The following SMPD3 variants were observed in gnomAD, a reference collection of about 807,000 sequenced individuals.
SMPD3 encodes sphingomyelin phosphodiesterase 3.
In SMPD3, 21 loss-of-function variants were observed where a neutral mutation model predicts 55.7. The ratio of observed to expected loss-of-function variants is 0.38; its 90% confidence interval spans 0.27 to 0.54. SMPD3 has a LOEUF of 0.54. Among genes scored for constraint, SMPD3 ranks in the 20% least tolerant of loss-of-function variants. The pLI is 0.80. For synonymous variants in SMPD3, 457 were observed against 404.3 expected (o/e 1.13, Z -1.56); for missense variants, 842 against 899.6 (o/e 0.94, Z 0.82).
intron 2 of SMPD3, among the ~76,000 whole-genome samples, chr16:68,376,531 C>T (rs2089819549): frequency 6.6e-6 from 1 of 152,244 alleles, no homozygotes; most frequent in South Asian, 2.1e-4. Flanking sequence ...CTGCATTGTT[C>T]CCCCAGGGCT....
intron 1 of SMPD3, among the ~76,000 whole-genome samples, chr16:68,438,068 C>T (rs2090537588): frequency 6.6e-6 from 1 of 152,196 alleles, no homozygotes; most frequent in Non-Finnish European, 1.5e-5. Flanking sequence ...CCCTGGGAGG[C>T]AGCTGCTCAG....
At chr16:68,438,328 GA>G (rs955428076) in intron 1 of SMPD3, among the ~76,000 whole-genome samples, 24 of 152,282 alleles carry the variant, frequency 1.6e-4, no homozygotes, top group South Asian at 2.1e-4. Context: ...AAGACCAAAT[GA>G]GAGAAATAAT....
rs1274718280 is a variant in SMPD3, at chr16:68,365,053, C to T, written c.1363G>A (p.Gly455Arg). 3.1e-6 allele frequency: 5 copies of T among 1,614,088 alleles called. No individual in the cohort carries two copies. Among genetic ancestry groups the T allele is most frequent in the Admixed American group, 1.7e-5 (1 of 60,012 alleles). The change falls in exon 4 of 9, where the codon GGG (glycine) becomes AGG (arginine). Residue 455 changes from glycine to arginine, a missense_variant. By Grantham distance (125) the Gly-to-Arg change is moderately radical. Around this residue, in one of 2 missense-constraint regions of SMPD3, gnomAD observed 649 missense variants for 643.6 expected, o/e 1.01. Coordinates refer to ENST00000219334, the MANE Select transcript of SMPD3 (RefSeq NM_018667.4). ...TGCAGGTGTGTGCAGGCGATGTACC[C>T]GACGATTCTTTGGTCCTGAGGTGTG... ...GSTPQDQRIVGYIACTHLHAP... is the reference protein window; with the variant it reads ...GSTPQDQRIVRYIACTHLHAP...
At chr16:68,382,961 C>T (rs1468893272) in intron 2 of SMPD3, among the ~76,000 whole-genome samples, 5 of 152,194 alleles carry the variant, frequency 3.3e-5, no homozygotes, top group South Asian at 2.1e-4. Flanking sequence ...TCTCCTGCCT[C>T]GGCCTCCCGA....
intron 1 of SMPD3, among the ~76,000 whole-genome samples, chr16:68,396,516 C>A (rs140689009): frequency 6.6e-6 from 1 of 152,322 alleles, no homozygotes; most frequent in African/African-American, 2.4e-5. Context: ...TGACACCCCT[C>A]CTCCAAGGCT....
intron 7 of SMPD3, 32 bp from the exon 8 acceptor site, chr16:68,361,791 C>T (rs374101126): frequency 1.2e-6 from 2 of 1,605,464 alleles, no homozygotes; most frequent in Non-Finnish European, 1.7e-6. Context: ...AGGTGGGCCC[C>T]CATGCCCGCC....
At chr16:68,393,142 T>G (rs2090126978) in intron 1 of SMPD3, among the ~76,000 whole-genome samples, 1 of 152,112 alleles carries the variant, frequency 6.6e-6, no homozygotes, top group African/African-American at 2.4e-5. Flanking sequence ...TGGTGGCTCA[T>G]GCCTGTAATC....
intron 1 of SMPD3, among the ~76,000 whole-genome samples, chr16:68,437,874 G>C (rs1370186105): frequency 1.3e-5 from 2 of 152,162 alleles, no homozygotes; most frequent in Non-Finnish European, 2.9e-5. Context: ...AGGAGGATGG[G>C]GTTTGGTTTT....
rs144281146 is a variant in SMPD3, at chr16:68,432,584, G to A, written c.-269+15769C>T. 2.6e-5 allele frequency among the ~76,000 whole-genome samples: 4 copies of A among 152,248 alleles called. No individual in the cohort carries two copies. The East Asian group carries it at 7.7e-4, about 29-fold the overall frequency. On this transcript the variant is annotated intron_variant, in intron 1 of 8. Coordinates refer to ENST00000219334, the MANE Select transcript of SMPD3 (RefSeq NM_018667.4). ...TCATCTCATCCTTACTTGTTTTACT[G>A]GTAGATTAAAAACTTCAGGAAATTT...
At chr16:68,370,741 A>G (rs2089638142) in intron 3 of SMPD3, 118 bp downstream of exon 3, 1 of 1,366,012 alleles carries the variant, frequency 7.3e-7, no homozygotes, top group Non-Finnish European at 9.9e-7. Context: ...TCTGCCTCCC[A>G]CTCCAACCTC....
In SMPD3 at chr16:68,396,382, A is replaced by G. The variant is rs1000003195; in HGVS notation, c.-268-9723T>C. The stretch of plus-strand genomic sequence containing the variant: ...TCTCGTTTCTGCCCCTCTTTCTCCC[A>G]CTGATTTGATGTGATGGCCCCGACC... On this transcript the variant is annotated intron_variant, in intron 1 of 8. Transcript: ENST00000219334. Among the ~76,000 whole-genome samples the G allele has an allele frequency of 2.4e-4, 36 of 151,684 alleles. 1 individual carries two copies. The highest frequency in any genetic ancestry group is 9.8e-4 in the Admixed American group (15 of 15,252).
chr16:68,427,489 T>G (rs904987871), intron 1 of SMPD3, among the ~76,000 whole-genome samples: 1 of 152,244 alleles, frequency 6.6e-6, no homozygotes, highest in African/African-American at 2.4e-5. Context: ...GGAAATGTTT[T>G]GTTTCGACAC....
chr16:68,364,951 G>A (rs2151974772), intron 4 of SMPD3, 45 bp from the exon 5 acceptor site: 1 of 1,613,368 alleles, frequency 6.2e-7, no homozygotes, highest in African/African-American at 1.3e-5. Context: ...GTTCGCCCCA[G>A]ACCCCAGCTA....
At chr16:68,412,762 T>C (rs1016126226) in intron 1 of SMPD3, among the ~76,000 whole-genome samples, 5 of 152,248 alleles carry the variant, frequency 3.3e-5, no homozygotes, top group African/African-American at 9.6e-5. Context: ...ATTTTCATAA[T>C]GAGGCTCCCC....
intron 1 of SMPD3, among the ~76,000 whole-genome samples, chr16:68,446,838 C>G (rs1158439460): frequency 6.6e-6 from 1 of 152,224 alleles, no homozygotes; most frequent in Non-Finnish European, 1.5e-5. Context: ...CCCCCACTCT[C>G]GGCCCCCGAA....
chr16:68,369,802 T>C (rs1006886764), intron 3 of SMPD3: 1 of 152,358 alleles, frequency 6.6e-6, no homozygotes, highest in Admixed American at 6.5e-5. Context: ...CTGGCTCCCA[T>C]AGGGCTTGAA....
intron 2 of SMPD3, among the ~76,000 whole-genome samples, chr16:68,373,953 T>C (rs1435427258): frequency 6.6e-6 from 1 of 152,330 alleles, no homozygotes; most frequent in East Asian, 1.9e-4. Context: ...ATTCCCTCCT[T>C]AGAAGACTTT....
chr16:68,428,417 G>T (rs1043521819), intron 1 of SMPD3, among the ~76,000 whole-genome samples: 2 of 152,146 alleles, frequency 1.3e-5, no homozygotes, highest in African/African-American at 4.8e-5. Context: ...CCTTCACCCC[G>T]CTCCTGCCCC....
chr16:68,439,809 C>G (rs2090552329), intron 1 of SMPD3, among the ~76,000 whole-genome samples: 1 of 152,154 alleles, frequency 6.6e-6, no homozygotes. Context: ...GTGAATGGAC[C>G]CATGGCCTGC....
Sources: allele counts gnomAD v4.1 joint callset (sites outside exome capture counted in the v4.1 genomes callset), GRCh38; gene constraint gnomAD v4.1.1; regional missense constraint gnomAD v4.1.1; transcripts MANE v1.5; gene names NCBI Gene and HGNC (gene_info 2026-07-23, HGNC 2026-07-21).